DNAH6: variants seen among roughly 807,000 people sequenced by gnomAD.
DNAH6 encodes the protein axonemal beta dynein heavy chain 6.
A neutral mutation model predicts 491.4 loss-of-function variants in DNAH6; 340 were observed. The observed-to-expected ratio is 0.69, with a 90% CI of 0.63 to 0.76. The LOEUF is 0.76. Ranked by LOEUF, DNAH6 falls within the 30% of genes least tolerant of loss-of-function variation. DNAH6 has a pLI of 0.00. For synonymous variants in DNAH6, 1,603 were observed against 1,686.1 expected (o/e 0.95, Z 1.21); for missense variants, 4,443 against 4,972.2 (o/e 0.89, Z 3.20).
Position 84,573,580 on chromosome 2 carries a change from G to T in DNAH6, c.1917G>T (p.Gln639His). 6.4e-7 allele frequency: 1 copy of T among 1,567,632 alleles called. No individual in the cohort carries two copies. Among genetic ancestry groups the T allele is most frequent in the South Asian group, 1.2e-5 (1 of 82,420 alleles). The change falls in exon 12 of 77, where the codon CAG (glutamine) becomes CAT (histidine). Residue 639 changes from glutamine to histidine, a missense_variant. Transcript: ENST00000389394. The part of the protein sequence containing the change: ...ESLDLQALKL[Q>H]EPDINFFSEQ... ...TTGATTTACAAGCTCTTAAACTTCA[G>T]GAACCTGGTAACTTGTCCATTTGTA...
At chr2:84,630,801 G>A (rs1473819310) in intron 29 of DNAH6, among the ~76,000 whole-genome samples, 1 of 152,170 alleles carries the variant, frequency 6.6e-6, no homozygotes, top group African/African-American at 2.4e-5. Flanking sequence ...ATGTGTTACA[G>A]AGTTTATTGT....
chr2:84,746,018 C>A (rs1477426527), intron 63 of DNAH6, among the ~76,000 whole-genome samples: 1 of 152,114 alleles, frequency 6.6e-6, no homozygotes, highest in Non-Finnish European at 1.5e-5. Context: ...ACTGATATGG[C>A]CCCCAGTTTC....
chr2:84,626,638 C>T (rs1687885403), intron 29 of DNAH6, among the ~76,000 whole-genome samples: 1 of 152,136 alleles, frequency 6.6e-6, no homozygotes, highest in East Asian at 1.9e-4. Context: ...GACGGAGTCT[C>T]GCTCTATTGC....
chr2:84,468,266 A>T, the DNAH6 span, among the ~76,000 whole-genome samples: 9 of 152,358 alleles, frequency 5.9e-5, no homozygotes, highest in South Asian at 1.7e-3. Flanking sequence ...ATAGCTACAC[A>T]CAAAGACAGA....
At chr2:84,641,829 ATCT>A (rs1689436144) in intron 32 of DNAH6, 115 bp from the exon 33 acceptor site, 2 of 753,664 alleles carry the variant, frequency 2.7e-6, no homozygotes, top group South Asian at 1.8e-5. Flanking sequence ...AGGGAAAATG[ATCT>A]TCTCCTTCTA....
At chr2:84,625,125 C>A in intron 29 of DNAH6, 62 bp downstream of exon 29, 1 of 1,360,416 alleles carries the variant, frequency 7.4e-7, no homozygotes, top group Non-Finnish European at 9.7e-7. Flanking sequence ...CTATTTGCAA[C>A]ATGACATAAC....
chr2:84,553,391 TTCTTTCTTTC>T (rs1558703200), intron 10 of DNAH6, among the ~76,000 whole-genome samples: 1 of 141,786 alleles, frequency 7.1e-6, no homozygotes, highest in East Asian at 2.0e-4. Flanking sequence ...CTTTCTTTCT[TTCTTTCTTTC>T]TTTCTTTCTT....
In DNAH6 at chr2:84,659,101, A is replaced by G; in HGVS notation, c.6016A>G (p.Thr2006Ala). 1.3e-6 allele frequency: 2 copies of G among 1,516,198 alleles called. No homozygotes were observed. The allele number at this position is 1,516,198 out of a possible 1,614,324, so 93.9% of individuals were successfully genotyped here. A position where few individuals can be genotyped will look rare whatever the true frequency, so the allele number is the denominator to read the frequency against. ...CYLWSLGGNL[T>A]ENYYDSFDTF... ...TTTGTGGTCTTTGGGTGGAAACCTA[A>G]CTGAAAACTACTATGATTCTTTTGA... The change falls in exon 37 of 77, where the codon ACT becomes GCT. Residue 2006 changes from threonine (T) to alanine (A), a missense_variant. Thr to Ala is a moderately conservative substitution (Grantham distance 58). Transcript: ENST00000389394.
At chr2:84,665,921 T>A (rs1573412144) in intron 37 of DNAH6, among the ~76,000 whole-genome samples, 3 of 152,254 alleles carry the variant, frequency 2.0e-5, no homozygotes, top group African/African-American at 7.2e-5. Context: ...GTGGGCTTCA[T>A]CCCTGGGATG....
chr2:84,582,666 A>G (rs2104026065), intron 14 of DNAH6, among the ~76,000 whole-genome samples: 1 of 152,202 alleles, frequency 6.6e-6, no homozygotes, highest in East Asian at 1.9e-4. Context: ...GTTAGCCAGG[A>G]TGGTCTTGAT....
At chr2:84,590,389 G>A (rs1407047105) in intron 16 of DNAH6, among the ~76,000 whole-genome samples, 3 of 151,784 alleles carry the variant, frequency 2.0e-5, no homozygotes, top group Non-Finnish European at 4.4e-5. Context: ...CAGCTACTTG[G>A]GAGGCTGAGG....
intron 64 of DNAH6, among the ~76,000 whole-genome samples, chr2:84,779,686 C>T (rs1349994332): frequency 6.6e-6 from 1 of 151,954 alleles, no homozygotes; most frequent in African/African-American, 2.4e-5. Flanking sequence ...ATGTTTTTAG[C>T]TGGTTGCTTT....
At chr2:84,799,528 A>G (rs1402968265) in intron 70 of DNAH6, among the ~76,000 whole-genome samples, 2 of 152,236 alleles carry the variant, frequency 1.3e-5, no homozygotes, top group East Asian at 1.9e-4. Flanking sequence ...AGCAGGTGCC[A>G]TATTGGTTGT....
At chr2:84,777,122 C>T (rs1000956865) in intron 64 of DNAH6, 1 of 162,220 alleles carries the variant, frequency 6.2e-6, no homozygotes, top group African/African-American at 2.4e-5. Flanking sequence ...GGAGGGAAAG[C>T]ATTAGGAGAT....
chr2:84,751,763 C>T (rs1171977215), intron 63 of DNAH6, among the ~76,000 whole-genome samples: 1 of 152,198 alleles, frequency 6.6e-6, no homozygotes, highest in African/African-American at 2.4e-5. Context: ...TTTTGGTGTA[C>T]ATCAGAATCA....
At chr2:84,583,734 C>A (rs988610458) in intron 14 of DNAH6, among the ~76,000 whole-genome samples, 2 of 152,190 alleles carry the variant, frequency 1.3e-5, no homozygotes, top group Non-Finnish European at 2.9e-5. Context: ...TGCACAAGTT[C>A]TCTTGCCTGC....
intron 37 of DNAH6, among the ~76,000 whole-genome samples, chr2:84,668,810 C>CTGTGTG (rs766203821): frequency 0.026 from 3,148 of 121,010 alleles, 49 homozygotes; most frequent in Admixed American, 0.028. Flanking sequence ...AGCCATCCCT[C>CTGTGTG]TGTGTGTGTG....
intron 63 of DNAH6, among the ~76,000 whole-genome samples, chr2:84,746,763 T>G (rs1260144361): frequency 6.6e-6 from 1 of 152,178 alleles, no homozygotes; most frequent in Non-Finnish European, 1.5e-5. Context: ...AAAGGAGGTT[T>G]ATTTGGCTCA....
intron 39 of DNAH6, among the ~76,000 whole-genome samples, chr2:84,670,966 A>G (rs1355440158): frequency 6.6e-6 from 1 of 152,162 alleles, no homozygotes; most frequent in Non-Finnish European, 1.5e-5. Context: ...AGTCTGGGCC[A>G]GTCTAAGCCT....
Sources: allele counts gnomAD v4.1 joint callset (sites outside exome capture counted in the v4.1 genomes callset), GRCh38; gene constraint gnomAD v4.1.1; transcripts MANE v1.5; gene names NCBI Gene and HGNC (gene_info 2026-07-23, HGNC 2026-07-21).